Variants in LPP observed in about 807,000 individuals in gnomAD.
The protein encoded by LPP is lipoma-preferred partner.
A neutral mutation model predicts 60.4 loss-of-function variants in LPP; 38 were observed. The ratio of observed to expected loss-of-function variants is 0.63; its 90% CI spans 0.49 to 0.83. The LOEUF (loss-of-function observed/expected upper bound fraction) is 0.83. LPP is among the 40% of genes least tolerant of loss of function. LPP has a pLI of 0.00. For synonymous variants in LPP, 328 were observed against 290.8 expected, an observed-to-expected ratio of 1.13 and a Z score of -1.30; for missense variants, 902 against 783.6, an observed-to-expected ratio of 1.15 and a Z score of -1.80.
In LPP at chr3:188,225,427, AC is replaced by A. The variant is rs1160332044; in HGVS notation, c.-166del. ...TAGGTGGGAACTTTGAGGCTCAGAG[AC>A]AGAGCAGAAGACAGAACCTGGTCTT... On this transcript the variant is annotated 5_prime_UTR_variant, in exon 2 of 12. Transcript: ENST00000617246. 1 of 152,218 alleles carries A rather than the reference AC, an allele frequency of 6.6e-6. No individual in the cohort carries two copies. The highest frequency in any genetic ancestry group is 2.4e-5 in the African/African-American group (1 of 41,462). The allele number at this position is 152,218 out of a possible 1,614,324, so 9.4% of individuals were successfully genotyped here. A position where few individuals can be genotyped will look rare whatever the true frequency, so the allele number is the denominator to read the frequency against.
rs1034495454 is a variant in LPP, at chr3:188,874,534, G to A, written c.*55G>A. ...AAGAACGAACACAAGAAAAAGATAA[G>A]AAATACTAGAGTAAAGGCCATCAAA... On this transcript the variant is annotated 3_prime_UTR_variant, in exon 12 of 12. Transcript: ENST00000617246. 3 of 1,588,542 alleles carry A rather than the reference G, an allele frequency of 1.9e-6. No individual in the cohort carries two copies. The highest frequency in any genetic ancestry group is 2.6e-6 in the Non-Finnish European group (3 of 1,161,790).
intron 3 of LPP, among the ~76,000 whole-genome samples, chr3:188,343,979 C>G (rs1221235346): frequency 6.6e-6 from 1 of 152,194 alleles, no homozygotes; most frequent in African/African-American, 2.4e-5. Flanking sequence ...GATCCACTGA[C>G]TGCGGTGTGT....
intron 8 of LPP, among the ~76,000 whole-genome samples, chr3:188,728,497 A>G (rs1486660494): frequency 6.6e-6 from 1 of 152,224 alleles, no homozygotes; most frequent in Non-Finnish European, 1.5e-5. Flanking sequence ...GGGATCCTAC[A>G]ACAAACCAGT....
chr3:188,171,327 C>T (rs908833962), intron 1 of LPP, among the ~76,000 whole-genome samples: 1 of 152,224 alleles, frequency 6.6e-6, no homozygotes, highest in Non-Finnish European at 1.5e-5. Context: ...CTCTTCCATC[C>T]TGACTGCTTC....
At chr3:188,518,683 C>CA (rs2150116242) in intron 5 of LPP, among the ~76,000 whole-genome samples, 1 of 152,286 alleles carries the variant, frequency 6.6e-6, no homozygotes, top group South Asian at 2.1e-4. Context: ...TTGTCTACCT[C>CA]AGAGATTCTG....
intron 9 of LPP, among the ~76,000 whole-genome samples, chr3:188,821,573 C>T (rs569006007): frequency 3.3e-5 from 5 of 151,660 alleles, no homozygotes; most frequent in African/African-American, 1.2e-4. Flanking sequence ...TTGCTTTTTC[C>T]TTCTTCTTTT....
chr3:188,734,521 A>G (rs1721809206), intron 8 of LPP, among the ~76,000 whole-genome samples: 1 of 152,226 alleles, frequency 6.6e-6, no homozygotes, highest in Admixed American at 6.5e-5. Context: ...CCCCATGGCT[A>G]ATTTGGCCAA....
chr3:188,681,847 A>G (rs1279248408), intron 7 of LPP, among the ~76,000 whole-genome samples: 1 of 152,182 alleles, frequency 6.6e-6, no homozygotes, highest in Non-Finnish European at 1.5e-5. Context: ...GTATGTTTTT[A>G]ATGTGTGTGC....
chr3:188,281,981 C>T (rs1391941426), intron 2 of LPP, among the ~76,000 whole-genome samples: 5 of 152,054 alleles, frequency 3.3e-5, no homozygotes, highest in African/African-American at 7.2e-5. Flanking sequence ...CTTTTCCCTT[C>T]TCCTTCTCAC....
intron 3 of LPP, among the ~76,000 whole-genome samples, chr3:188,374,936 A>G (rs2151118197): frequency 6.6e-6 from 1 of 152,150 alleles, no homozygotes; most frequent in East Asian, 1.9e-4. Context: ...AATTTTGTCA[A>G]AGGCCTTTTC....
chr3:188,640,058 C>T (rs1204231585), intron 7 of LPP, among the ~76,000 whole-genome samples: 1 of 151,780 alleles, frequency 6.6e-6, no homozygotes. Flanking sequence ...GCTATAAAGA[C>T]ACATGCACAC....
chr3:188,486,413 C>T (rs1199540789), intron 5 of LPP, among the ~76,000 whole-genome samples: 5 of 152,022 alleles, frequency 3.3e-5, no homozygotes, highest in East Asian at 1.9e-4. Context: ...ACAAGATACG[C>T]ACATTACAAA....
chr3:188,407,241 C>T (rs1253240223), intron 4 of LPP, among the ~76,000 whole-genome samples: 2 of 152,156 alleles, frequency 1.3e-5, no homozygotes, highest in Non-Finnish European at 2.9e-5. Flanking sequence ...TCTTGGATGA[C>T]ATTAATGTTT....
chr3:188,403,649 C>T (rs1261242482), intron 3 of LPP, among the ~76,000 whole-genome samples: 2 of 151,664 alleles, frequency 1.3e-5, no homozygotes, highest in Non-Finnish European at 2.9e-5. Flanking sequence ...CATTTCTCAG[C>T]CATGTGAGAT....
At chr3:188,487,102 A>T (rs1806770234) in intron 5 of LPP, among the ~76,000 whole-genome samples, 1 of 152,200 alleles carries the variant, frequency 6.6e-6, no homozygotes, top group Admixed American at 6.5e-5. Context: ...TAGTGACAGA[A>T]GACTCGTGAT....
At chr3:188,289,560 G>A (rs1281857475) in intron 2 of LPP, among the ~76,000 whole-genome samples, 1 of 152,164 alleles carries the variant, frequency 6.6e-6, no homozygotes, top group Admixed American at 6.5e-5. Flanking sequence ...ATCATTAGAT[G>A]AGGAAATTGA....
At chr3:188,582,158 T>C (rs13086270) in intron 6 of LPP, among the ~76,000 whole-genome samples, 1,122 of 49,614 alleles carry the variant, frequency 0.023, 13 homozygotes, top group South Asian at 0.031. Flanking sequence ...CTTTTTCTTT[T>C]TTTTTTTTTT....
At chr3:188,200,017 TACTAA>T (rs1560104244) in intron 1 of LPP, among the ~76,000 whole-genome samples, 1 of 152,142 alleles carries the variant, frequency 6.6e-6, no homozygotes, top group Non-Finnish European at 1.5e-5. Flanking sequence ...TGGCTTCTTA[TACTAA>T]ACTGAGATAT....
intron 4 of LPP, among the ~76,000 whole-genome samples, chr3:188,409,488 T>G (rs1784414922): frequency 6.6e-6 from 1 of 152,252 alleles, no homozygotes; most frequent in Non-Finnish European, 1.5e-5. Context: ...TGCATTCTGT[T>G]ACTCTGAACA....
Sources: allele counts gnomAD v4.1 joint callset (sites outside exome capture counted in the v4.1 genomes callset), GRCh38; gene constraint gnomAD v4.1.1; transcripts MANE v1.5; gene names NCBI Gene and HGNC (gene_info 2026-07-23, HGNC 2026-07-21).